ITIH5: variants seen among roughly 807,000 people sequenced by gnomAD.
ITIH5 encodes inter-alpha-trypsin inhibitor heavy chain 5, also known as inter-alpha-trypsin inhibitor heavy chain H5.
In ITIH5, 65 loss-of-function variants were observed where a neutral mutation model predicts 77.5. That is an observed-to-expected ratio of 0.84 (90% CI 0.69 to 1.03). The LOEUF is 1.03. Among genes scored for constraint, ITIH5 ranks in the 50% least tolerant of loss-of-function variants. ITIH5 has a pLI of 0.00. For missense variants in ITIH5, 1,208 were observed against 1,213.1 expected (o/e 1.00, Z 0.06); for synonymous variants, 525 against 494.3 (o/e 1.06, Z -0.82).
chr10:7,578,822 G>A (rs1832477561), intron 9 of ITIH5: 1 of 152,176 alleles, frequency 6.6e-6, no homozygotes, highest in East Asian at 1.9e-4. Flanking sequence ...CTGATGCGTG[G>A]CAACATAATA....
intron 1 of ITIH5, among the ~76,000 whole-genome samples, chr10:7,663,547 GCTTT>G (rs946331032): frequency 3.9e-5 from 6 of 152,112 alleles, no homozygotes; most frequent in African/African-American, 1.2e-4. Flanking sequence ...AATTTGTTGT[GCTTT>G]CTTTATCTTT....
intron 5 of ITIH5, among the ~76,000 whole-genome samples, chr10:7,629,132 AGCATGTGTCCGTGTTGTG>A (rs879733877): frequency 1.9e-5 from 2 of 106,984 alleles, no homozygotes; most frequent in Non-Finnish European, 3.8e-5. Flanking sequence ...TCCGTGTTGT[AGCATGTGTCCGTGTTGTG>A]GCATGCATCC....
chr10:7,569,010 C>CTTTTTTTT (rs5782983), intron 12 of ITIH5, among the ~76,000 whole-genome samples: 59 of 71,602 alleles, frequency 8.2e-4, no homozygotes, highest in African/African-American at 1.8e-3. Context: ...TTTTCTTTTT[C>CTTTTTTTT]TTTTTTTTTT....
At chr10:7,586,168 G>C (rs1832676298) in intron 7 of ITIH5, 99 bp from the exon 8 acceptor site, 1 of 1,124,778 alleles carries the variant, frequency 8.9e-7, no homozygotes, top group African/African-American at 1.6e-5. Context: ...AAAATGTCAG[G>C]GTTCAAATTC....
chr10:7,575,847 T>C (rs1537632), intron 10 of ITIH5, among the ~76,000 whole-genome samples: 32,244 of 152,120 alleles, frequency 0.21, 3,651 homozygotes, highest in African/African-American at 0.28. Flanking sequence ...GCCTGAAACC[T>C]GGCAAGCACT....
intron 11 of ITIH5, chr10:7,572,132 G>A (rs1832312928): frequency 9.2e-7 from 1 of 1,083,842 alleles, no homozygotes; most frequent in Non-Finnish European, 1.1e-6. Flanking sequence ...TGTGTTGGAA[G>A]GAATTACATT....
chr10:7,616,774 G>C (rs1434727684), intron 6 of ITIH5, among the ~76,000 whole-genome samples: 2 of 152,138 alleles, frequency 1.3e-5, no homozygotes, highest in African/African-American at 4.8e-5. Flanking sequence ...GTTGCAGTGA[G>C]CCGAGATCGG....
chr10:7,584,083 C>A (rs1338105539), intron 8 of ITIH5, among the ~76,000 whole-genome samples: 1 of 152,184 alleles, frequency 6.6e-6, no homozygotes, highest in African/African-American at 2.4e-5. Context: ...AACTGAGGCA[C>A]AGAGAAGATG....
chr10:7,575,505 T>A (rs1242697706), intron 10 of ITIH5, among the ~76,000 whole-genome samples: 1 of 152,188 alleles, frequency 6.6e-6, no homozygotes, highest in East Asian at 1.9e-4. Flanking sequence ...GTGATGCATG[T>A]GAAACGCGAT....
At chr10:7,649,356 A>G (rs559918696) in intron 2 of ITIH5, among the ~76,000 whole-genome samples, 3 of 150,684 alleles carry the variant, frequency 2.0e-5, no homozygotes, top group South Asian at 2.1e-4. Flanking sequence ...AAGAGTTTCT[A>G]TTTAGATCAT....
At chr10:7,572,771 CTTT>C (rs528912890) in intron 11 of ITIH5, 93 of 88,342 alleles carry the variant, frequency 1.1e-3, no homozygotes, top group Non-Finnish European at 1.8e-3. Context: ...TGGTTTTACA[CTTT>C]TTTTTTTTTT....
intron 5 of ITIH5, among the ~76,000 whole-genome samples, chr10:7,629,214 CCT>C (rs1444714122): frequency 1.5e-5 from 2 of 136,384 alleles, no homozygotes; most frequent in Admixed American, 1.5e-4. Context: ...AGCGTGTGTC[CCT>C]GTTGTAGCGT....
chr10:7,582,314 G>A (rs192279207), intron 8 of ITIH5, among the ~76,000 whole-genome samples: 1 of 152,316 alleles, frequency 6.6e-6, no homozygotes, highest in African/African-American at 2.4e-5. Flanking sequence ...GGGGAGACAG[G>A]TGGTTGGGTG....
In ITIH5 at chr10:7,644,633, C is replaced by A. The variant is rs868456302; in HGVS notation, c.136-2543G>T. 1.2e-3 allele frequency among the ~76,000 whole-genome samples: 95 copies of A among 76,124 alleles called. 2 individuals carry two copies. Among genetic ancestry groups the A allele is most frequent in the African/African-American group, 3.4e-3 (80 of 23,196 alleles). The allele number at this position is 76,124 out of a possible 152,430, so 49.9% of individuals were successfully genotyped here. On this transcript the variant is annotated intron_variant, in intron 2 of 13. Transcript: ENST00000397146. The stretch of plus-strand genomic sequence containing the variant: ...TATATCACATATATATCACATATAT[C>A]ACATATATATCATATATATCACATA...
At chr10:7,634,421 G>C (rs1418639243) in intron 5 of ITIH5, among the ~76,000 whole-genome samples, 1 of 152,164 alleles carries the variant, frequency 6.6e-6, no homozygotes, top group African/African-American at 2.4e-5. Flanking sequence ...AAGGGAATCC[G>C]TCCACTGCAC....
rs1832064439 is a variant in ITIH5, at chr10:7,562,907, C to CA, written c.*175_*176insT. ...ACATTTGCACTCAGGCTTCCCGCCC[C>CA]TACCCACCCCTACCCTTCGCCCAGA... is the stretch of plus-strand genomic sequence containing the variant. On this transcript the variant is annotated 3_prime_UTR_variant, in exon 14 of 14. Coordinates refer to ENST00000397146, the MANE Select transcript of ITIH5 (RefSeq NM_030569.7). 1.3e-5 allele frequency: 7 copies of CA among 523,820 alleles called. No homozygotes were observed. The highest frequency in any genetic ancestry group is 3.8e-5 in the East Asian group (1 of 26,598). 32.4% of individuals were successfully genotyped at this position (523,820 alleles called of 1,614,324 possible).
At chr10:7,648,590 G>A (rs546037466) in intron 2 of ITIH5, among the ~76,000 whole-genome samples, 2 of 152,228 alleles carry the variant, frequency 1.3e-5, no homozygotes, top group Admixed American at 6.5e-5. Context: ...GTTTACAGCT[G>A]TAGCTGCACA....
intron 11 of ITIH5, chr10:7,572,771 CTTTTTTTT>C (rs528912890): frequency 1.2e-4 from 11 of 88,328 alleles, no homozygotes; most frequent in South Asian, 1.0e-3. Flanking sequence ...TGGTTTTACA[CTTTTTTTT>C]TTTTTTTTTT....
chr10:7,572,951 T>C, intron 11 of ITIH5, 191 bp downstream of exon 11: 1 of 514,890 alleles, frequency 1.9e-6, no homozygotes, highest in Non-Finnish European at 3.5e-6. Flanking sequence ...CTAATTTTTG[T>C]ATTTTTAGTA....
Sources: gnomAD v4.1 joint callset for allele counts (sites outside exome capture counted in the v4.1 genomes callset) on GRCh38, gnomAD v4.1.1 for gene constraint, MANE v1.5 for transcripts, NCBI Gene and HGNC (gene_info 2026-07-23, HGNC 2026-07-21) for gene names.